NCOA2: variants seen among roughly 807,000 people sequenced by gnomAD.
The protein encoded by NCOA2 is class E basic helix-loop-helix protein 75.
NCOA2 carries 21 observed loss-of-function variants against 145.1 expected under a neutral mutation model. That is an observed-to-expected ratio of 0.14 (90% CI 0.10 to 0.21). The LOEUF (loss-of-function observed/expected upper bound fraction) is 0.21, where lower values mean the gene tolerates loss of function less well. NCOA2 is among the 10% of genes least tolerant of loss of function. The pLI is 1.00. For synonymous variants in NCOA2, 619 were observed against 637.5 expected, an observed-to-expected ratio of 0.97 and a Z score of 0.44; for missense variants, 1,472 against 1,837.6, an observed-to-expected ratio of 0.80 and a Z score of 3.64.
At chr8:70,381,946 T>C (rs978931931) in intron 1 of NCOA2, among the ~76,000 whole-genome samples, 1 of 152,172 alleles carries the variant, frequency 6.6e-6, no homozygotes, top group African/African-American at 2.4e-5. Context: ...AGACTACTTT[T>C]AAAGAATATG....
rs368655450 is a variant in NCOA2 at position 70,113,630 on chromosome 8, T to C, written c.*2A>G. The C allele has an allele frequency of 5.4e-5, 84 of 1,551,910 alleles. 1 individual carries two copies. The South Asian group carries it at 8.9e-4, about 16-fold the overall frequency. ...CTGAAGAAGCAACTGGCTTCAGCAG[T>C]GTCAGCAATATTTCTGTAGGAAAAC... is the stretch of plus-strand genomic sequence containing the variant. On this transcript the variant is annotated 3_prime_UTR_variant, in exon 23 of 23. Coordinates refer to ENST00000452400, the MANE Select transcript of NCOA2 (RefSeq NM_006540.4).
chr8:70,276,269 T>G (rs1475271843), intron 2 of NCOA2, among the ~76,000 whole-genome samples: 5 of 151,994 alleles, frequency 3.3e-5, no homozygotes, highest in Non-Finnish European at 7.4e-5. Context: ...GAAAGGAAAT[T>G]CTCAGGAAAG....
intron 4 of NCOA2, 96 bp downstream of exon 4, chr8:70,213,807 A>C: frequency 1.0e-6 from 1 of 994,486 alleles, no homozygotes; most frequent in Non-Finnish European, 1.5e-6. Flanking sequence ...TAATTTAAGC[A>C]TAAGAAATGG....
At chr8:70,165,246 T>C (rs1202203187) in intron 7 of NCOA2, among the ~76,000 whole-genome samples, 2 of 152,246 alleles carry the variant, frequency 1.3e-5, no homozygotes, top group Non-Finnish European at 2.9e-5. Flanking sequence ...TTATTATCTC[T>C]AACAGCTCTA....
rs1398508959 is a variant in NCOA2, at chr8:70,370,157, T to A, written c.-77+33543A>T. ...GCCTCAGTCACCCAAAGAGCTGGGA[T>A]TACAGCTGTGAACCACCGTGCCCAG... On this transcript the variant is annotated intron_variant, in intron 1 of 22. Transcript: ENST00000452400. Among the ~76,000 whole-genome samples, 3 of 152,092 alleles carry A rather than the reference T, an allele frequency of 2.0e-5. No homozygotes were observed. The East Asian group carries it at 5.8e-4, about 29-fold the overall frequency.
chr8:70,293,084 G>A (rs1200767621), intron 2 of NCOA2, among the ~76,000 whole-genome samples: 3 of 152,058 alleles, frequency 2.0e-5, no homozygotes, highest in Non-Finnish European at 2.9e-5. Context: ...TGCCTACCAT[G>A]CTGTCATTTG....
chr8:70,227,898 C>A (rs1457240463), intron 2 of NCOA2, among the ~76,000 whole-genome samples: 1 of 151,574 alleles, frequency 6.6e-6, no homozygotes, highest in Non-Finnish European at 1.5e-5. Context: ...CACTTGTAAT[C>A]CTAGCTACTT....
intron 2 of NCOA2, among the ~76,000 whole-genome samples, chr8:70,295,785 T>TA (rs1407799683): frequency 6.6e-6 from 1 of 151,894 alleles, no homozygotes; most frequent in Non-Finnish European, 1.5e-5. Flanking sequence ...CTATTAAAAA[T>TA]ACAAAAAAAA....
At chr8:70,151,695 G>C (rs943985273) in intron 11 of NCOA2, among the ~76,000 whole-genome samples, 4 of 152,088 alleles carry the variant, frequency 2.6e-5, no homozygotes, top group African/African-American at 9.7e-5. Context: ...ATTCAAGCTT[G>C]GCATCTGAAA....
At chr8:70,245,650 T>C (rs1026233227) in intron 2 of NCOA2, among the ~76,000 whole-genome samples, 1 of 152,060 alleles carries the variant, frequency 6.6e-6, no homozygotes, top group African/African-American at 2.4e-5. Context: ...TATTTAGTCT[T>C]GGAATGTTCA....
chr8:70,167,818 CAA>C (rs1487324371), intron 6 of NCOA2, among the ~76,000 whole-genome samples: 1 of 152,080 alleles, frequency 6.6e-6, no homozygotes, highest in Admixed American at 6.5e-5. Context: ...AGAAATAAAA[CAA>C]TGACTGATTT....
At chr8:70,136,423 C>G (rs141154110) in intron 15 of NCOA2, among the ~76,000 whole-genome samples, 1 of 152,080 alleles carries the variant, frequency 6.6e-6, no homozygotes, top group African/African-American at 2.4e-5. Context: ...GGAAGTCTTT[C>G]ATGAAAGACA....
At chr8:70,197,521 C>T (rs933449596) in intron 4 of NCOA2, among the ~76,000 whole-genome samples, 9 of 152,334 alleles carry the variant, frequency 5.9e-5, no homozygotes, top group South Asian at 2.1e-4. Context: ...AGCCCCACAA[C>T]GACAGGGACA....
chr8:70,209,194 AT>A (rs2133783502), intron 4 of NCOA2, among the ~76,000 whole-genome samples: 1 of 152,360 alleles, frequency 6.6e-6, no homozygotes, highest in Non-Finnish European at 1.5e-5. Flanking sequence ...TGCAGTGGAA[AT>A]AACAAGAGAA....
chr8:70,258,624 A>G (rs534633527), intron 2 of NCOA2, among the ~76,000 whole-genome samples: 33 of 152,090 alleles, frequency 2.2e-4, no homozygotes, highest in African/African-American at 7.7e-4. Context: ...TCATCACATC[A>G]CCTTCTTTCC....
At chr8:70,123,672 C>T (rs1563481656) in intron 21 of NCOA2, 3 of 411,894 alleles carry the variant, frequency 7.3e-6, no homozygotes, top group Non-Finnish European at 1.3e-5. Flanking sequence ...TTTAAAAGCT[C>T]CTCAAGCAGT....
the NCOA2 span, among the ~76,000 whole-genome samples, chr8:70,442,055 AAGAG>A: frequency 5.1e-5 from 7 of 137,188 alleles, no homozygotes; most frequent in East Asian, 2.1e-4. Context: ...GAAGAAAGGA[AAGAG>A]AGAGAAAGAG....
the NCOA2 span, among the ~76,000 whole-genome samples, chr8:70,423,837 T>C: frequency 2.3e-4 from 35 of 152,092 alleles, no homozygotes; most frequent in African/African-American, 8.5e-4. Context: ...GGCAGCACAC[T>C]CTTGTCCCAC....
the NCOA2 span, among the ~76,000 whole-genome samples, chr8:70,433,280 AG>A: frequency 6.6e-6 from 1 of 152,146 alleles, no homozygotes; most frequent in African/African-American, 2.4e-5. Flanking sequence ...ATAGTACACA[AG>A]GCACTGTAGG....
Sources: gnomAD v4.1 joint callset for allele counts (sites outside exome capture counted in the v4.1 genomes callset) on GRCh38, gnomAD v4.1.1 for gene constraint, MANE v1.5 for transcripts, NCBI Gene and HGNC (gene_info 2026-07-23, HGNC 2026-07-21) for gene names.